Variants in NKAIN3 observed in about 807,000 individuals in gnomAD.
NKAIN3 encodes sodium/potassium transporting ATPase interacting 3, also known as sodium/potassium-transporting ATPase subunit beta-1-interacting protein 3.
A neutral mutation model predicts 30.2 loss-of-function variants in NKAIN3; 25 were observed. That is an observed-to-expected ratio of 0.83 (90% confidence interval 0.60 to 1.16). NKAIN3 has a LOEUF of 1.16. Ranked by LOEUF, NKAIN3 falls within the 50% of genes most tolerant of loss-of-function variation. The pLI is 0.00. For synonymous variants in NKAIN3, 91 were observed against 89.6 expected, an observed-to-expected ratio of 1.02 and a Z score of -0.09; for missense variants, 225 against 254.1, an observed-to-expected ratio of 0.89 and a Z score of 0.78.
chr8:62,982,086 TAC>T lies in NKAIN3; in HGVS notation c.*16681_*16682del, dbSNP rs1019678940. 6.6e-6 allele frequency: 1 copy of T among 152,154 alleles called. No individual in the cohort carries two copies. Among genetic ancestry groups the T allele is most frequent in the Non-Finnish European group, 1.5e-5 (1 of 68,024 alleles). 9.4% of individuals were successfully genotyped at this position (152,154 alleles called of 1,614,324 possible). A position where few individuals can be genotyped will look rare whatever the true frequency, so the allele number is the denominator to read the frequency against. The stretch of plus-strand genomic sequence containing the variant: ...AGAAAACTCATATAAAAATCTAAAC[TAC>T]AGTTTTATGGGGATAGTTAAGGTAA... On this transcript the variant is annotated 3_prime_UTR_variant, in exon 7 of 7. Transcript: ENST00000623646.
chr8:62,799,238 A>G lies in NKAIN3; in HGVS notation c.471+52109A>G, dbSNP rs143489596. 3.8e-3 allele frequency among the ~76,000 whole-genome samples: 574 copies of G among 152,298 alleles called. 5 individuals are homozygous for G. Among genetic ancestry groups the G allele is most frequent in the Admixed American group, 8.4e-3 (128 of 15,296 alleles). On this transcript the variant is annotated intron_variant, in intron 4 of 6. Transcript: ENST00000623646. The stretch of plus-strand genomic sequence containing the variant: ...AGCATATTTCCTACTTAAAGTAATA[A>G]TCAGCAGAGTTAACAGACAACCCAC...
intron 4 of NKAIN3, among the ~76,000 whole-genome samples, chr8:62,901,819 A>G (rs1455814852): frequency 6.6e-6 from 1 of 152,202 alleles, no homozygotes; most frequent in Non-Finnish European, 1.5e-5. Flanking sequence ...CCATATTTCT[A>G]CATGTGGCTT....
chr8:62,852,567 T>A (rs1377175275), intron 4 of NKAIN3, among the ~76,000 whole-genome samples: 1 of 152,192 alleles, frequency 6.6e-6, no homozygotes, highest in African/African-American at 2.4e-5. Flanking sequence ...TTTAGATCTT[T>A]CCTGCTTTCT....
chr8:62,341,153 A>G (rs1030831751), intron 1 of NKAIN3, among the ~76,000 whole-genome samples: 5 of 152,082 alleles, frequency 3.3e-5, no homozygotes, highest in East Asian at 1.9e-4. Flanking sequence ...TTTCAAAGAC[A>G]AGTTACACAA....
chr8:62,392,246 A>C (rs1817604136), intron 1 of NKAIN3, among the ~76,000 whole-genome samples: 1 of 152,072 alleles, frequency 6.6e-6, no homozygotes, highest in Non-Finnish European at 1.5e-5. Flanking sequence ...TTGGCTTCAC[A>C]GTAATTTAAA....
intron 5 of NKAIN3, among the ~76,000 whole-genome samples, chr8:62,998,385 C>T (rs866631567): frequency 5.9e-5 from 9 of 152,202 alleles, no homozygotes; most frequent in Middle Eastern, 6.8e-3. Flanking sequence ...AAGTGATTCT[C>T]GTGCCTCAGC....
chr8:62,673,978 G>A (rs535601212), intron 3 of NKAIN3, among the ~76,000 whole-genome samples: 8 of 152,176 alleles, frequency 5.3e-5, no homozygotes, highest in African/African-American at 1.9e-4. Flanking sequence ...TAATTTCCAG[G>A]TTCTAGTGGA....
chr8:62,989,361 A>G (rs1824269997), downstream of NKAIN3, among the ~76,000 whole-genome samples: 1 of 152,204 alleles, frequency 6.6e-6, no homozygotes, highest in African/African-American at 2.4e-5. Flanking sequence ...TAATGTACTC[A>G]CAGTTCCATA....
At chr8:62,321,041 C>A (rs1814874556) in intron 1 of NKAIN3, among the ~76,000 whole-genome samples, 1 of 151,976 alleles carries the variant, frequency 6.6e-6, no homozygotes, top group Non-Finnish European at 1.5e-5. Flanking sequence ...TCTTTTTATT[C>A]TTTTTTCTCT....
intron 5 of NKAIN3, among the ~76,000 whole-genome samples, chr8:62,921,026 G>A (rs10098213): frequency 0.68 from 103,437 of 152,054 alleles, 36,113 homozygotes; most frequent in East Asian, 0.9. Context: ...AATGTCTGAA[G>A]CCAATTGCAA....
At chr8:62,850,805 A>G (rs1221530263) in intron 4 of NKAIN3, among the ~76,000 whole-genome samples, 2 of 152,056 alleles carry the variant, frequency 1.3e-5, no homozygotes, top group Admixed American at 6.5e-5. Flanking sequence ...GTTCTGTTCC[A>G]TTGGTCTATA....
chr8:62,491,998 C>G (rs1302580340), intron 1 of NKAIN3, among the ~76,000 whole-genome samples: 2 of 152,096 alleles, frequency 1.3e-5, no homozygotes, highest in Non-Finnish European at 2.9e-5. Flanking sequence ...AATTATCCAT[C>G]ACATTTATCA....
chr8:62,248,996 TACTCCGG>T lies in NKAIN3; in HGVS notation c.-76_-70del. On this transcript the variant is annotated 5_prime_UTR_variant, in exon 1 of 7. Coordinates refer to ENST00000623646, the MANE Select transcript of NKAIN3 (RefSeq NM_001304533.3). Reference sequence around the variant, plus strand: ...AGCCTGGGCCGGGCCGGGCGGGGACTACTCCGGAGTCAGGAGGCAGCAGCGGCGGAGG... The same window carrying T: ...AGCCTGGGCCGGGCCGGGCGGGGACTAGTCAGGAGGCAGCAGCGGCGGAGG... 7.5e-7 allele frequency: 1 copy of T among 1,340,260 alleles called. No individual in the cohort carries two copies. The allele number at this position is 1,340,260 out of a possible 1,614,324, so 83.0% of individuals were successfully genotyped here. A position where few individuals can be genotyped will look rare whatever the true frequency, so the allele number is the denominator to read the frequency against.
chr8:62,910,819 A>G (rs1156632733), intron 4 of NKAIN3, among the ~76,000 whole-genome samples: 3 of 151,762 alleles, frequency 2.0e-5, no homozygotes, highest in Non-Finnish European at 4.4e-5. Flanking sequence ...CATCAAATTA[A>G]CTCTACATAT....
chr8:62,509,799 C>T (rs369645275), intron 1 of NKAIN3, among the ~76,000 whole-genome samples: 22 of 152,200 alleles, frequency 1.4e-4, no homozygotes, highest in East Asian at 5.8e-4. Context: ...ACTTTTTAGA[C>T]ATTTCATTAA....
In NKAIN3 at chr8:62,907,603, G is replaced by A. The variant is rs1821818225; in HGVS notation, c.472-10850G>A. ...ACCTTGCTGCTTTGTACAGTCCGGA[G>A]ACTTGGTGCCCTGCATCCCAGTTGT... On this transcript the variant is annotated intron_variant, in intron 4 of 6. Coordinates refer to ENST00000623646, the MANE Select transcript of NKAIN3 (RefSeq NM_001304533.3). Among the ~76,000 whole-genome samples, 4 of 152,198 alleles carry A rather than the reference G, an allele frequency of 2.6e-5. No individual in the cohort carries two copies. In the South Asian group the frequency reaches 8.3e-4, roughly 32 times the overall value.
At chr8:62,546,413 A>T (rs775312148) in intron 1 of NKAIN3, among the ~76,000 whole-genome samples, 16 of 152,204 alleles carry the variant, frequency 1.1e-4, no homozygotes, top group Non-Finnish European at 2.4e-4. Flanking sequence ...TCAGGAGCAC[A>T]TAATGAGATG....
intron 5 of NKAIN3, among the ~76,000 whole-genome samples, chr8:62,929,524 C>T (rs1009710855): frequency 6.6e-6 from 1 of 151,956 alleles, no homozygotes; most frequent in Admixed American, 6.6e-5. Context: ...GCCAAGGTGT[C>T]ATACTGACTG....
intron 1 of NKAIN3, among the ~76,000 whole-genome samples, chr8:62,370,855 G>C (rs1460800598): frequency 6.6e-6 from 1 of 151,974 alleles, no homozygotes; most frequent in African/African-American, 2.4e-5. Context: ...ACAAAGTCCA[G>C]CTACCTTAGA....
Sources: gnomAD v4.1 joint callset for allele counts (sites outside exome capture counted in the v4.1 genomes callset) on GRCh38, gnomAD v4.1.1 for gene constraint, MANE v1.5 for transcripts, NCBI Gene and HGNC (gene_info 2026-07-23, HGNC 2026-07-21) for gene names.